The following CYP27A1 variants were observed in gnomAD, a reference collection of about 807,000 sequenced individuals.
CYP27A1 encodes sterol 26-hydroxylase, mitochondrial.
A neutral mutation model predicts 58.2 loss-of-function variants in CYP27A1; 46 were observed. That is an observed-to-expected ratio of 0.79 (90% CI 0.62 to 1.01). CYP27A1 has a LOEUF of 1.01. CYP27A1 is among the 50% of genes least tolerant of loss of function. CYP27A1 has a pLI of 0.00. For missense variants in CYP27A1, 704 were observed against 687.0 expected, an observed-to-expected ratio of 1.02 and a Z score of -0.28; for synonymous variants, 274 against 285.1, an observed-to-expected ratio of 0.96 and a Z score of 0.39.
chr2:218,813,394 G>A (rs1276296926), intron 5 of CYP27A1, among the ~76,000 whole-genome samples: 1 of 152,136 alleles, frequency 6.6e-6, no homozygotes, highest in African/African-American at 2.4e-5. Context: ...TTTGAATGGA[G>A]AGTTGGAAGA....
intron 1 of CYP27A1, among the ~76,000 whole-genome samples, chr2:218,806,944 C>T (rs143553992): frequency 0.012 from 1,794 of 144,524 alleles, 40 homozygotes; most frequent in African/African-American, 0.043. Context: ...GACAGGTCTC[C>T]TAGGGAATTT....
intron 5 of CYP27A1, among the ~76,000 whole-genome samples, chr2:218,813,341 G>C (rs1943745159): frequency 6.6e-6 from 1 of 152,218 alleles, no homozygotes; most frequent in Non-Finnish European, 1.5e-5. Context: ...CTCTCTGACA[G>C]CTGGGAAGTA....
Position 218,814,133 on chromosome 2 carries a change from A to C in CYP27A1, c.1130A>C (p.His377Pro), listed in dbSNP as rs41272685. Residue 377 changes from histidine to proline, a missense_variant, in exon 6 of 9, where the codon CAC becomes CCC. Coordinates refer to ENST00000258415, the MANE Select transcript of CYP27A1 (RefSeq NM_000784.4). ...GVVPAGQVPQ[H>P]KDFAHMPLLK... ...GTGCCAGCCGGGCAAGTGCCCCAGC[A>C]CAAGGACTTTGCCCACATGCCGTTG... 1 of 1,614,274 alleles carries C rather than the reference A, an allele frequency of 6.2e-7. No individual in the cohort carries two copies. The highest frequency in any genetic ancestry group is 1.1e-5 in the South Asian group (1 of 91,088).
At chr2:218,802,357 T>A (rs771647952) in intron 1 of CYP27A1, among the ~76,000 whole-genome samples, 1 of 151,912 alleles carries the variant, frequency 6.6e-6, no homozygotes, top group African/African-American at 2.4e-5. Context: ...TAGGTTAAGA[T>A]GTGAAGAAAC....
At chr2:218,808,660 G>C (rs759894032) in intron 1 of CYP27A1, among the ~76,000 whole-genome samples, 1 of 152,132 alleles carries the variant, frequency 6.6e-6, no homozygotes, top group Non-Finnish European at 1.5e-5. Context: ...AACTGATTAG[G>C]AAAGATGAAG....
chr2:218,814,310 G>A (rs1366834013), intron 6 of CYP27A1, 70 bp from the exon 7 acceptor site: 6 of 1,597,480 alleles, frequency 3.8e-6, no homozygotes, highest in Non-Finnish European at 5.1e-6. Context: ...GGAGAGGTAG[G>A]GGAGAAGGAG....
At position 218,812,737 on chromosome 2, in the gene CYP27A1, A is replaced by T; in HGVS notation, c.832A>T (p.Ile278Phe). The T allele has an allele frequency of 6.2e-7, 1 of 1,614,156 alleles. No homozygotes were observed. Among genetic ancestry groups the T allele is most frequent in the South Asian group, 1.1e-5 (1 of 91,088 alleles). The change falls in exon 4 of 9, where the codon ATC becomes TTC. Residue 278 changes from isoleucine (I) to phenylalanine (F), a missense_variant. Physicochemically the swap from Ile to Phe is conservative, Grantham distance 21 (BLOSUM62 0). Transcript: ENST00000258415. ...GCGATACCTGGATGGTTGGAATGCCATCTTTTCCTTTGGTGAGGACTCCCA... is the reference window on the plus strand; with the variant it reads ...GCGATACCTGGATGGTTGGAATGCCTTCTTTTCCTTTGGTGAGGACTCCCA... ...WKRYLDGWNAIFSFGKKLIDE... is the reference protein window; with the variant it reads ...WKRYLDGWNAFFSFGKKLIDE...
chr2:218,802,544 C>T (rs1943609849), intron 1 of CYP27A1, among the ~76,000 whole-genome samples: 1 of 152,156 alleles, frequency 6.6e-6, no homozygotes, highest in Admixed American at 6.5e-5. Context: ...GAAGCACTCA[C>T]ATTTCTGTTT....
chr2:218,814,854 G>A lies in CYP27A1; in HGVS notation c.1477-57G>A, dbSNP rs146577883. 159 of 1,614,080 alleles carry A rather than the reference G, an allele frequency of 9.9e-5. 2 individuals are homozygous for A. In the East Asian group the frequency reaches 2.8e-3, roughly 28 times the overall value. ...GGCACAGGGTAGGAGTGTGCAGAGC[G>A]GGGAGTGGATGGCAAACACACAATC... is the stretch of plus-strand genomic sequence containing the variant. On this transcript the variant is annotated intron_variant, in intron 8 of 8. Coordinates refer to ENST00000258415, the MANE Select transcript of CYP27A1 (RefSeq NM_000784.4).
intron 1 of CYP27A1, among the ~76,000 whole-genome samples, chr2:218,792,064 TAC>T (rs61540539): frequency 8.0e-5 from 12 of 149,888 alleles, no homozygotes; most frequent in African/African-American, 1.2e-4. Context: ...TAGAAGTCAC[TAC>T]ACACACACAC....
At chr2:218,812,471 T>C (rs747215973) in intron 3 of CYP27A1, 50 bp downstream of exon 3, 1 of 1,603,804 alleles carries the variant, frequency 6.2e-7, no homozygotes, top group Admixed American at 1.7e-5. Flanking sequence ...CAGGGAGAGG[T>C]TGTGCTCCCT....
chr2:218,799,793 G>A (rs1943582067), intron 1 of CYP27A1, among the ~76,000 whole-genome samples: 1 of 151,182 alleles, frequency 6.6e-6, no homozygotes, highest in Non-Finnish European at 1.5e-5. Context: ...TCCAAATCCA[G>A]TTAAAGTAAT....
intron 1 of CYP27A1, among the ~76,000 whole-genome samples, chr2:218,796,576 A>G (rs1943550078): frequency 6.6e-6 from 1 of 152,204 alleles, no homozygotes; most frequent in African/African-American, 2.4e-5. Context: ...CCTGGGCAAC[A>G]GAGCAAGACT....
intron 1 of CYP27A1, among the ~76,000 whole-genome samples, chr2:218,788,042 A>G (rs986033325): frequency 2.0e-5 from 3 of 152,236 alleles, no homozygotes; most frequent in Non-Finnish European, 2.9e-5. Flanking sequence ...TAAATGACTT[A>G]TCTCTGCTTC....
chr2:218,796,993 T>C (rs779320510), intron 1 of CYP27A1, among the ~76,000 whole-genome samples: 4 of 152,188 alleles, frequency 2.6e-5, no homozygotes, highest in Non-Finnish European at 5.9e-5. Flanking sequence ...AAGAAAACAA[T>C]TGTCTGTGAA....
At chr2:218,789,432 G>A (rs758088104) in intron 1 of CYP27A1, among the ~76,000 whole-genome samples, 36 of 152,218 alleles carry the variant, frequency 2.4e-4, no homozygotes, top group Non-Finnish European at 5.0e-4. Flanking sequence ...CCATGTGGTG[G>A]AAGAAGATGT....
Position 218,814,672 on chromosome 2 carries a change from T to C in CYP27A1, c.1391T>C (p.Phe464Ser). 6.2e-7 allele frequency: 1 copy of C among 1,614,168 alleles called. No homozygotes were observed. The highest frequency in any genetic ancestry group is 8.5e-7 in the Non-Finnish European group (1 of 1,180,012). ...QPATPRIQHP[F>S]GSVPFGYGVR... is the part of the protein sequence containing the mutation. Reference sequence around the variant, plus strand: ...GCTACCCCCAGGATCCAGCACCCATTTGGCTCTGTGCCCTTTGGCTATGGG... The same window carrying C: ...GCTACCCCCAGGATCCAGCACCCATCTGGCTCTGTGCCCTTTGGCTATGGG... Residue 464 changes from phenylalanine (F) to serine (S), a missense_variant, in exon 8 of 9, where the codon TTT (phenylalanine) becomes TCT (serine). Phe to Ser is a radical substitution (Grantham distance 155). Coordinates refer to ENST00000258415, the MANE Select transcript of CYP27A1 (RefSeq NM_000784.4).
In CYP27A1 at chr2:218,802,394, C is replaced by T. The variant is rs111781326; in HGVS notation, c.256-7183C>T. ...GAACTACTTGCGTTGTTACTCCATG[C>T]TTTTTCCATCTGCTAATTATTTATT... On this transcript the variant is annotated intron_variant, in intron 1 of 8. Coordinates refer to ENST00000258415, the MANE Select transcript of CYP27A1 (RefSeq NM_000784.4). 5.5e-3 allele frequency among the ~76,000 whole-genome samples: 838 copies of T among 151,646 alleles called. 2 individuals carry two copies. The highest frequency in any genetic ancestry group is 0.019 in the African/African-American group (805 of 41,414).
chr2:218,812,322 G>A lies in CYP27A1; in HGVS notation c.547G>A (p.Asp183Asn), dbSNP rs751280804. The A allele has an allele frequency of 2.6e-5, 42 of 1,614,114 alleles. No homozygotes were observed. The Admixed American group carries it at 6.5e-4, about 25-fold the overall frequency. The change falls in exon 3 of 9, where the codon GAT (aspartate) becomes AAT (asparagine). Residue 183 changes from aspartate (D) to asparagine (N), a missense_variant. Coordinates refer to ENST00000258415, the MANE Select transcript of CYP27A1 (RefSeq NM_000784.4). ...LYTDAFNEVI[D>N]DFMTRLDQLR... Reference sequence around the variant, plus strand: ...TACGGATGCTTTCAATGAGGTGATTGATGACTTTATGACTCGACTGGACCA... The same window carrying A: ...TACGGATGCTTTCAATGAGGTGATTAATGACTTTATGACTCGACTGGACCA...
Sources: allele counts gnomAD v4.1 joint callset (sites outside exome capture counted in the v4.1 genomes callset), GRCh38; gene constraint gnomAD v4.1.1; transcripts MANE v1.5; gene names NCBI Gene and HGNC (gene_info 2026-07-23, HGNC 2026-07-21).